IL6R: variants seen among roughly 807,000 people sequenced by gnomAD.
The protein encoded by IL6R is interleukin 6 receptor, also known as interleukin-6 receptor subunit alpha.
IL6R carries 38 observed loss-of-function variants against 48.3 expected under a neutral mutation model. The ratio of observed to expected loss-of-function variants is 0.79; its 90% CI spans 0.61 to 1.03. IL6R has a LOEUF of 1.03. IL6R is among the 50% of genes least tolerant of loss of function. The pLI, the probability that IL6R is intolerant of heterozygous loss-of-function variation, is 0.00. For missense variants in IL6R, 534 were observed against 618.3 expected, an observed-to-expected ratio of 0.86 and a Z score of 1.45; for synonymous variants, 264 against 256.2, an observed-to-expected ratio of 1.03 and a Z score of -0.29.
At chr1:154,435,764 A>G (rs889261717) in intron 5 of IL6R, among the ~76,000 whole-genome samples, 17 of 152,302 alleles carry the variant, frequency 1.1e-4, no homozygotes, top group Non-Finnish European at 2.4e-4. Context: ...TCTATAGTGC[A>G]TGGGTGGGGC....
At chr1:154,448,568 C>T (rs1377522650) in intron 7 of IL6R, among the ~76,000 whole-genome samples, 1 of 152,176 alleles carries the variant, frequency 6.6e-6, no homozygotes, top group Non-Finnish European at 1.5e-5. Flanking sequence ...TTGAGTAATC[C>T]AATTTCCTAT....
chr1:154,405,771 C>T lies in IL6R; in HGVS notation c.85+57C>T, dbSNP rs1014687586. 2 of 1,241,786 alleles carry T rather than the reference C, an allele frequency of 1.6e-6. No individual in the cohort carries two copies. The highest frequency in any genetic ancestry group is 6.7e-5 in the Admixed American group (2 of 29,772). 76.9% of individuals were successfully genotyped at this position (1,241,786 alleles called of 1,614,324 possible). ...GGCAGCTAGCGGCTGGGGGAAACCG[C>T]CTTGGTCACCGCAGTCTGTGGGAGG... On this transcript the variant is annotated intron_variant, in intron 1 of 9. Coordinates refer to ENST00000368485, the MANE Select transcript of IL6R (RefSeq NM_000565.4). The surrounding 1 kb of genome is among the most constrained non-coding windows in gnomAD (Gnocchi z 5.2).
chr1:154,452,779 C>T (rs1281189871), intron 8 of IL6R, among the ~76,000 whole-genome samples: 5 of 138,876 alleles, frequency 3.6e-5, no homozygotes, highest in African/African-American at 5.4e-5. Flanking sequence ...TGCAGTGAGC[C>T]GAGACAGCGC....
At chr1:154,415,146 G>T in intron 1 of IL6R, 1 of 880,416 alleles carries the variant, frequency 1.1e-6, no homozygotes, top group Non-Finnish European at 1.8e-6. Flanking sequence ...GCCGTCCTCA[G>T]CCTGCAGGAC....
intron 3 of IL6R, among the ~76,000 whole-genome samples, chr1:154,431,419 G>T (rs960067065): frequency 2.6e-5 from 4 of 152,148 alleles, no homozygotes; most frequent in Non-Finnish European, 4.4e-5. Context: ...GCCTGAAATC[G>T]CAAATGGTGC....
intron 7 of IL6R, among the ~76,000 whole-genome samples, chr1:154,449,646 A>G (rs1690474003): frequency 6.6e-6 from 1 of 152,236 alleles, no homozygotes; most frequent in Non-Finnish European, 1.5e-5. Flanking sequence ...GCTTCAGTGT[A>G]TCCACTGAGC....
chr1:154,454,024 C>T (rs1690733956), intron 8 of IL6R: 1 of 168,266 alleles, frequency 5.9e-6, no homozygotes, highest in Non-Finnish European at 1.3e-5. Context: ...AAACTGCTTC[C>T]AAACACTTGA....
intron 5 of IL6R, 28 bp from the exon 6 acceptor site, chr1:154,435,941 C>A: frequency 6.3e-7 from 1 of 1,578,248 alleles, no homozygotes. Context: ...TGGATACCTC[C>A]CCAGAGTCAC....
intron 5 of IL6R, among the ~76,000 whole-genome samples, chr1:154,435,508 C>G (rs1202132001): frequency 7.4e-6 from 1 of 135,410 alleles, no homozygotes; most frequent in African/African-American, 2.8e-5. Context: ...GACTCCATGT[C>G]AAAAAAAAAA....
chr1:154,417,941 G>A (rs1190286910), intron 1 of IL6R, among the ~76,000 whole-genome samples: 9 of 151,962 alleles, frequency 5.9e-5, no homozygotes, highest in Non-Finnish European at 1.2e-4. Flanking sequence ...CACCATGTTG[G>A]CCAAGCTGAT....
intron 3 of IL6R, among the ~76,000 whole-genome samples, 162 bp downstream of exon 3, chr1:154,430,768 C>T (rs1017698739): frequency 6.6e-6 from 1 of 152,138 alleles, no homozygotes; most frequent in Non-Finnish European, 1.5e-5. Context: ...CATTTGACTG[C>T]CCCCCCTGAG....
chr1:154,414,461 G>C, intron 1 of IL6R: 1 of 1,171,086 alleles, frequency 8.5e-7, no homozygotes. Flanking sequence ...CTGCTGGCCG[G>C]CAAAACTATA....
chr1:154,419,455 C>T (rs1406922081), intron 1 of IL6R, among the ~76,000 whole-genome samples: 12 of 152,182 alleles, frequency 7.9e-5, no homozygotes, highest in Admixed American at 7.9e-4. Context: ...TCAGCACCCA[C>T]CTACTTTTAG....
chr1:154,407,569 A>T (rs2149199820), intron 1 of IL6R, among the ~76,000 whole-genome samples: 1 of 152,322 alleles, frequency 6.6e-6, no homozygotes, highest in East Asian at 1.9e-4. Context: ...CACAAACTGG[A>T]GAGTAAAAAT....
intron 3 of IL6R, among the ~76,000 whole-genome samples, chr1:154,432,093 C>G (rs994506000): frequency 6.6e-6 from 1 of 152,180 alleles, no homozygotes; most frequent in Non-Finnish European, 1.5e-5. Flanking sequence ...CATAGAGTTA[C>G]TGGGCTGCCT....
rs778521867 is a variant in IL6R, at chr1:154,468,979, G to C, written c.*3599G>C. 1 of 152,206 alleles carries C rather than the reference G, an allele frequency of 6.6e-6. No homozygotes were observed. The allele number at this position is 152,206 out of a possible 1,614,324, so 9.4% of individuals were successfully genotyped here. On this transcript the variant is annotated 3_prime_UTR_variant, in exon 10 of 10. Transcript: ENST00000368485. The stretch of plus-strand genomic sequence containing the variant: ...GCAGCCGTGGGCAGGGGCTGCACAC[G>C]GAGGGGCAGGCGGGCCAGTTCAGGG...
chr1:154,452,048 T>C (rs1376844248), intron 8 of IL6R, among the ~76,000 whole-genome samples: 1 of 152,062 alleles, frequency 6.6e-6, no homozygotes, highest in African/African-American at 2.4e-5. Context: ...ATCTAGGAAT[T>C]GACCACTCCT....
chr1:154,438,149 C>CT (rs1311737050), intron 6 of IL6R, among the ~76,000 whole-genome samples: 1 of 152,082 alleles, frequency 6.6e-6, no homozygotes, highest in Non-Finnish European at 1.5e-5. Context: ...CTGCTTGACT[C>CT]TTTCTGTTTC....
chr1:154,427,106 G>A (rs1689020890), intron 1 of IL6R, among the ~76,000 whole-genome samples: 1 of 152,094 alleles, frequency 6.6e-6, no homozygotes, highest in Non-Finnish European at 1.5e-5. Context: ...TTTTAGTAGA[G>A]ACAGGGTTTC....
Sources: allele counts gnomAD v4.1 joint callset (sites outside exome capture counted in the v4.1 genomes callset), GRCh38; gene constraint gnomAD v4.1.1; non-coding constraint Gnocchi (gnomAD v3.1); transcripts MANE v1.5; gene names NCBI Gene and HGNC (gene_info 2026-07-23, HGNC 2026-07-21).